The following MYOCD variants were observed in gnomAD, a reference collection of about 807,000 sequenced individuals.
The protein encoded by MYOCD is myocardin.
MYOCD carries 32 observed loss-of-function variants against 96.1 expected under a neutral mutation model. The observed-to-expected ratio is 0.33, with a 90% CI of 0.25 to 0.45. MYOCD has a LOEUF of 0.45. MYOCD is among the 20% of genes least tolerant of loss of function. MYOCD has a pLI of 1.00. For missense variants in MYOCD, 1,133 were observed against 1,200.6 expected, an observed-to-expected ratio of 0.94 and a Z score of 0.83; for synonymous variants, 469 against 469.0, an observed-to-expected ratio of 1.00 and a Z score of 0.00.
chr17:12,735,000 C>T (rs1048060420), intron 5 of MYOCD, among the ~76,000 whole-genome samples: 5 of 152,224 alleles, frequency 3.3e-5, no homozygotes, highest in Admixed American at 2.6e-4. Flanking sequence ...TGCACGGCCT[C>T]CTTCCTGATG....
intron 1 of MYOCD, among the ~76,000 whole-genome samples, chr17:12,697,603 G>A (rs1052006643): frequency 5.3e-5 from 8 of 151,234 alleles, no homozygotes; most frequent in Non-Finnish European, 8.8e-5. Context: ...ACCTCGTCTC[G>A]GCCTCCCAAA....
chr17:12,695,094 C>T (rs1052151421), intron 1 of MYOCD, among the ~76,000 whole-genome samples: 5 of 152,064 alleles, frequency 3.3e-5, no homozygotes, highest in Non-Finnish European at 5.9e-5. Flanking sequence ...CAAGAAGTAT[C>T]CCTAGTTTAG....
chr17:12,669,141 C>A (rs1909536612), intron 1 of MYOCD, among the ~76,000 whole-genome samples: 1 of 152,144 alleles, frequency 6.6e-6, no homozygotes, highest in African/African-American at 2.4e-5. Context: ...TTTTAATCTT[C>A]TCATGTTGTT....
At chr17:12,722,239 G>A (rs182050494) in intron 4 of MYOCD, among the ~76,000 whole-genome samples, 3 of 152,168 alleles carry the variant, frequency 2.0e-5, no homozygotes, top group East Asian at 1.9e-4. Flanking sequence ...CAGCTGTATC[G>A]AAGTGGATTT....
chr17:12,692,574 G>A (rs2030508208), intron 1 of MYOCD, among the ~76,000 whole-genome samples: 1 of 152,148 alleles, frequency 6.6e-6, no homozygotes, highest in African/African-American at 2.4e-5. Context: ...CAATGTCCTT[G>A]CCCCATCCTG....
intron 1 of MYOCD, among the ~76,000 whole-genome samples, chr17:12,694,881 CAAAAAAAAAA>C (rs201215491): frequency 2.9e-5 from 2 of 69,650 alleles, no homozygotes; most frequent in African/African-American, 5.0e-5. Context: ...AAGGAATAAC[CAAAAAAAAAA>C]AAAAAAAAAA....
intron 12 of MYOCD, among the ~76,000 whole-genome samples, chr17:12,759,964 G>C (rs1000252253): frequency 1.3e-5 from 2 of 152,182 alleles, no homozygotes; most frequent in Non-Finnish European, 2.9e-5. Flanking sequence ...TGTTGTAGTA[G>C]ACTGTTTCAT....
At chr17:12,724,407 G>A (rs1435773747) in intron 5 of MYOCD, among the ~76,000 whole-genome samples, 1 of 152,144 alleles carries the variant, frequency 6.6e-6, no homozygotes, top group African/African-American at 2.4e-5. Context: ...AGCTGAGCAT[G>A]TTCTCGCTTT....
At chr17:12,743,104 G>C (rs1468878811) in intron 7 of MYOCD, among the ~76,000 whole-genome samples, 1 of 152,114 alleles carries the variant, frequency 6.6e-6, no homozygotes. Context: ...TTAAGTAATT[G>C]TACCACTTTC....
intron 12 of MYOCD, among the ~76,000 whole-genome samples, chr17:12,759,043 C>T (rs982785802): frequency 6.6e-6 from 1 of 150,466 alleles, no homozygotes; most frequent in African/African-American, 2.4e-5. Context: ...AGCAAAACTC[C>T]ATCTCAAAAA....
intron 1 of MYOCD, among the ~76,000 whole-genome samples, chr17:12,698,561 A>G (rs2030890879): frequency 2.0e-5 from 3 of 152,216 alleles, no homozygotes; most frequent in African/African-American, 7.2e-5. Context: ...GCAGTCTAAT[A>G]TGTAATGAAT....
chr17:12,763,006 T>A, intron 13 of MYOCD, 67 bp from the exon 14 acceptor site: 1 of 1,353,420 alleles, frequency 7.4e-7, no homozygotes. Context: ...TAAGTGTAAC[T>A]CACTCATATT....
rs372817783 is a variant in MYOCD at position 12,666,195 on chromosome 17, C to T, written c.7C>T (p.Leu3Phe). The change falls in exon 1 of 14, where the codon CTC (leucine) becomes TTC (phenylalanine). Residue 3 changes from leucine (L) to phenylalanine (F), a missense_variant. Transcript: ENST00000425538. MT[L>F]LGSEHSLLIR... ...CGGCTTGCTGAGACTCAACATGACA[C>T]TCCTGGGGTCTGAGCATTCCTTGCT... is the stretch of plus-strand genomic sequence containing the variant. 8.7e-6 allele frequency: 14 copies of T among 1,613,726 alleles called. No homozygotes were observed. In the African/African-American group the frequency reaches 9.3e-5, roughly 11 times the overall value.
intron 7 of MYOCD, 77 bp from the exon 8 acceptor site, chr17:12,744,106 C>T: frequency 5.9e-6 from 9 of 1,536,748 alleles, no homozygotes; most frequent in Non-Finnish European, 7.9e-6. Flanking sequence ...ACAAAACTGC[C>T]TCACAACGTG....
At chr17:12,716,115 T>C (rs2031632157) in intron 3 of MYOCD, among the ~76,000 whole-genome samples, 1 of 152,226 alleles carries the variant, frequency 6.6e-6, no homozygotes, top group African/African-American at 2.4e-5. Context: ...TTGTCAATAA[T>C]ATATTAATAA....
At chr17:12,670,297 G>A (rs1243616281) in intron 1 of MYOCD, among the ~76,000 whole-genome samples, 4 of 152,174 alleles carry the variant, frequency 2.6e-5, no homozygotes, top group Admixed American at 6.5e-5. Context: ...GTAATTGGTT[G>A]CTTGTCCTTT....
intron 4 of MYOCD, among the ~76,000 whole-genome samples, chr17:12,721,115 T>C (rs1200792131): frequency 2.0e-5 from 3 of 151,856 alleles, no homozygotes; most frequent in South Asian, 2.1e-4. Context: ...TTAGCATTTT[T>C]CACATTTATG....
chr17:12,739,367 C>A, intron 7 of MYOCD, 39 bp downstream of exon 7: 1 of 1,500,594 alleles, frequency 6.7e-7, no homozygotes, highest in South Asian at 1.4e-5. Flanking sequence ...CCTGAGCGCT[C>A]GGCTCACAGA....
rs189469140 is a variant in MYOCD at position 12,704,644 on chromosome 17, C to G, written c.56-484C>G. On this transcript the variant is annotated intron_variant, in intron 1 of 13. Transcript: ENST00000425538. ...TACATTGTTTTATCAAACTTTATGG[C>G]AACACCACCAGGTAGGCATTGTTTT... 1.2e-3 allele frequency among the ~76,000 whole-genome samples: 179 copies of G among 152,270 alleles called. 1 individual carries two copies. Among genetic ancestry groups the G allele is most frequent in the African/African-American group, 4.1e-3 (171 of 41,548 alleles).
Sources: allele counts gnomAD v4.1 joint callset (sites outside exome capture counted in the v4.1 genomes callset), GRCh38; gene constraint gnomAD v4.1.1; transcripts MANE v1.5; gene names NCBI Gene and HGNC (gene_info 2026-07-23, HGNC 2026-07-21).